The following RASSF5 variants were observed in gnomAD, a reference collection of about 807,000 sequenced individuals.
RASSF5 encodes Ras association domain family member 5.
Under a neutral mutation model 40.5 loss-of-function variants are expected in RASSF5, and 25 were observed. The observed-to-expected ratio is 0.62, with a 90% CI of 0.45 to 0.86. The LOEUF is 0.86. Among genes scored for constraint, RASSF5 ranks in the 40% least tolerant of loss-of-function variants. The pLI is 0.00. For synonymous variants in RASSF5, 246 were observed against 252.4 expected (o/e 0.97, Z 0.24); for missense variants, 521 against 572.8 (o/e 0.91, Z 0.92).
intron 2 of RASSF5, chr1:206,571,230 A>G (rs1411913977): frequency 6.6e-6 from 1 of 151,084 alleles, no homozygotes; most frequent in African/African-American, 2.4e-5. Context: ...GATCATATAT[A>G]GATCTTCTTT....
At chr1:206,565,807 A>T (rs1320847678) in intron 2 of RASSF5, among the ~76,000 whole-genome samples, 1 of 152,208 alleles carries the variant, frequency 6.6e-6, no homozygotes, top group Non-Finnish European at 1.5e-5. Context: ...GGCTGCCAGC[A>T]GACACAGTGA....
intron 2 of RASSF5, chr1:206,571,463 T>C (rs2103552722): frequency 6.6e-6 from 1 of 152,288 alleles, no homozygotes; most frequent in South Asian, 2.1e-4. Context: ...CCATCCTTAA[T>C]TAACTCTGCA....
chr1:206,580,140 T>G (rs1250839902), intron 2 of RASSF5, among the ~76,000 whole-genome samples: 1 of 152,074 alleles, frequency 6.6e-6, no homozygotes, highest in Non-Finnish European at 1.5e-5. Flanking sequence ...CCCGCGTTTG[T>G]GGTGGGAAGG....
At chr1:206,511,688 A>C (rs1055426257) in intron 1 of RASSF5, among the ~76,000 whole-genome samples, 21 of 152,218 alleles carry the variant, frequency 1.4e-4, no homozygotes, top group African/African-American at 5.1e-4. Flanking sequence ...ATGTGACTAC[A>C]AGGCCCTGCC....
rs573341957 is a variant in RASSF5, at chr1:206,572,441, G to C, written c.580-10828G>C. Among the ~76,000 whole-genome samples the C allele has an allele frequency of 6.8e-4, 104 of 152,280 alleles. 1 individual carries two copies. Among genetic ancestry groups the C allele is most frequent in the South Asian group, 2.3e-3 (11 of 4,832 alleles). ...TTACAGAAGAGCACATGGTGCCCCT[G>C]GGATGCAGCAGAGAGGAAGGGAGTC... On this transcript the variant is annotated intron_variant, in intron 2 of 5. Transcript: ENST00000579436.
In RASSF5 at chr1:206,507,728, G is replaced by T; in HGVS notation, c.126G>T (p.Ser42=). ...CGCCGCCGCCCCCCGACCGGTCCTC[G>T]CGCCTCTGTGTCCCGGCGCCCCTCT... ...ELPPPPPDRS[S]RLCVPAPLST... The change falls in exon 1 of 6, where the codon TCG becomes TCT. Residue 42 remains serine, a synonymous_variant. Coordinates refer to ENST00000579436, the MANE Select transcript of RASSF5 (RefSeq NM_182663.4). 1 of 1,481,298 alleles carries T rather than the reference G, an allele frequency of 6.8e-7. No individual in the cohort carries two copies. The highest frequency in any genetic ancestry group is 8.9e-7 in the Non-Finnish European group (1 of 1,123,062). The allele number at this position is 1,481,298 out of a possible 1,614,324, so 91.8% of individuals were successfully genotyped here.
rs1553408065 is a variant in RASSF5 at position 206,588,104 on chromosome 1, GCCTGGCCT to G, written c.*1129_*1136del. ...GGCACTGCGCTCGGAGAGCCGGTGG[GCCTGGCCT>G]CCCCGTCGACCTCAGTGCCTTTTTG... is the stretch of plus-strand genomic sequence containing the variant. On this transcript the variant is annotated 3_prime_UTR_variant, in exon 6 of 6. Coordinates refer to ENST00000579436, the MANE Select transcript of RASSF5 (RefSeq NM_182663.4). 1 of 152,790 alleles carries G rather than the reference GCCTGGCCT, an allele frequency of 6.5e-6. No individual in the cohort carries two copies. The highest frequency in any genetic ancestry group is 2.4e-5 in the African/African-American group (1 of 41,482). 9.5% of individuals were successfully genotyped at this position (152,790 alleles called of 1,614,324 possible).
chr1:206,540,398 G>A (rs1667515662), intron 2 of RASSF5, among the ~76,000 whole-genome samples: 1 of 152,242 alleles, frequency 6.6e-6, no homozygotes, highest in Non-Finnish European at 1.5e-5. Context: ...GTCAACCTTG[G>A]AACCCTCTGG....
At chr1:206,583,035 G>A (rs1668953750) in intron 2 of RASSF5, 4 of 466,302 alleles carry the variant, frequency 8.6e-6, no homozygotes, top group Admixed American at 3.5e-5. Context: ...TTTCACAGAT[G>A]AGGAGACTGA....
intron 2 of RASSF5, among the ~76,000 whole-genome samples, chr1:206,578,506 T>C (rs937177354): frequency 3.9e-5 from 6 of 152,146 alleles, no homozygotes; most frequent in African/African-American, 1.4e-4. Flanking sequence ...CAGGAAGAGC[T>C]TGACAAATAA....
intron 2 of RASSF5, among the ~76,000 whole-genome samples, chr1:206,578,807 C>G (rs1456258944): frequency 2.5e-4 from 38 of 152,226 alleles, no homozygotes; most frequent in Admixed American, 2.1e-3. Flanking sequence ...TCACTCAGAG[C>G]CTCTCCTTAG....
intron 2 of RASSF5, among the ~76,000 whole-genome samples, chr1:206,561,663 C>CTT (rs61094454): frequency 4.6e-4 from 54 of 117,992 alleles, no homozygotes; most frequent in African/African-American, 1.4e-3. Context: ...TTTTCTTTTT[C>CTT]TTTTTTTTTT....
At chr1:206,528,964 A>G (rs1033646715) in intron 1 of RASSF5, 5 of 667,198 alleles carry the variant, frequency 7.5e-6, no homozygotes, top group Admixed American at 2.2e-5. Flanking sequence ...CCTGTCGTGA[A>G]GAAGCAGGAG....
At chr1:206,547,547 T>G (rs186390353) in intron 2 of RASSF5, among the ~76,000 whole-genome samples, 48 of 152,118 alleles carry the variant, frequency 3.2e-4, no homozygotes, top group African/African-American at 9.6e-4. Flanking sequence ...GAAAACAAGC[T>G]CAGGCCTCCC....
rs1669184117 is a variant in RASSF5, at chr1:206,587,884, G to A, written c.*906G>A. On this transcript the variant is annotated 3_prime_UTR_variant, in exon 6 of 6. Coordinates refer to ENST00000579436, the MANE Select transcript of RASSF5 (RefSeq NM_182663.4). ...GAGAAAGGTGTCCAAGCTGTCTTCAGCCTTCCCCAGCTAAAGAGCAGAGGA... is the reference window on the plus strand; with the variant it reads ...GAGAAAGGTGTCCAAGCTGTCTTCAACCTTCCCCAGCTAAAGAGCAGAGGA... 1 of 152,876 alleles carries A rather than the reference G, an allele frequency of 6.5e-6. No individual in the cohort carries two copies. 9.5% of individuals were successfully genotyped at this position (152,876 alleles called of 1,614,324 possible). A position where few individuals can be genotyped will look rare whatever the true frequency, so the allele number is the denominator to read the frequency against.
intron 2 of RASSF5, chr1:206,544,281 G>T (rs1159690354): frequency 6.6e-6 from 1 of 152,176 alleles, no homozygotes; most frequent in Non-Finnish European, 1.5e-5. Context: ...ACAAAAGCAT[G>T]AGTATTCTAG....
intron 2 of RASSF5, chr1:206,557,565 C>G: frequency 1.2e-6 from 2 of 1,613,836 alleles, no homozygotes; most frequent in Non-Finnish European, 8.5e-7. Context: ...GCCGGGAACT[C>G]CGGGGTAGAT....
In RASSF5 at chr1:206,588,347, C is replaced by G. The variant is rs1553408155; in HGVS notation, c.*1369C>G. Reference sequence around the variant, plus strand: ...ACCAGACCACATTGACAGGGAGGATCAAATTCCTGACTTACATTTGCACTG... The same window carrying G: ...ACCAGACCACATTGACAGGGAGGATGAAATTCCTGACTTACATTTGCACTG... On this transcript the variant is annotated 3_prime_UTR_variant, in exon 6 of 6. Transcript: ENST00000579436. 1 of 152,376 alleles carries G rather than the reference C, an allele frequency of 6.6e-6. No individual in the cohort carries two copies. The highest frequency in any genetic ancestry group is 2.4e-5 in the African/African-American group (1 of 41,452). 9.4% of individuals were successfully genotyped at this position (152,376 alleles called of 1,614,324 possible). A position where few individuals can be genotyped will look rare whatever the true frequency, so the allele number is the denominator to read the frequency against.
intron 1 of RASSF5, among the ~76,000 whole-genome samples, chr1:206,528,569 A>G (rs1667154927): frequency 6.6e-6 from 1 of 152,178 alleles, no homozygotes; most frequent in African/African-American, 2.4e-5. Flanking sequence ...TCTGGAGATC[A>G]TGATGAATCA....
Sources: allele counts gnomAD v4.1 joint callset (sites outside exome capture counted in the v4.1 genomes callset), GRCh38; gene constraint gnomAD v4.1.1; transcripts MANE v1.5; gene names NCBI Gene and HGNC (gene_info 2026-07-23, HGNC 2026-07-21).